KRT12: variants seen among roughly 807,000 people sequenced by gnomAD.
KRT12 encodes keratin, type I cytoskeletal 12.
KRT12 carries 43 observed loss-of-function variants against 50.2 expected under a neutral mutation model. The observed-to-expected ratio is 0.86, with a 90% CI of 0.67 to 1.11. The LOEUF (loss-of-function observed/expected upper bound fraction) is 1.11. KRT12 is among the 50% of genes least tolerant of loss of function. The pLI is 0.00. For synonymous variants in KRT12, 257 were observed against 253.6 expected, an observed-to-expected ratio of 1.01 and a Z score of -0.13; for missense variants, 588 against 625.6, an observed-to-expected ratio of 0.94 and a Z score of 0.64.
intron 1 of KRT12, among the ~76,000 whole-genome samples, 171 bp from the exon 2 acceptor site, chr17:40,866,408 A>T (rs184153010): frequency 1.6e-4 from 24 of 152,352 alleles, no homozygotes; most frequent in African/African-American, 5.3e-4. Flanking sequence ...ATTGAGAAGT[A>T]AAGAAATGCA....
intron 2 of KRT12, among the ~76,000 whole-genome samples, chr17:40,865,777 G>A (rs754162316): frequency 2.0e-5 from 3 of 152,146 alleles, no homozygotes; most frequent in East Asian, 1.9e-4. Context: ...GCAGTGAGCC[G>A]AGATCGCGTC....
chr17:40,864,224 C>T (rs911435501), intron 3 of KRT12, among the ~76,000 whole-genome samples: 5 of 152,014 alleles, frequency 3.3e-5, no homozygotes, highest in Non-Finnish European at 7.4e-5. Context: ...GGAGGCCTGG[C>T]GTACACTCAC....
chr17:40,865,791 G>A (rs1906996297), intron 2 of KRT12, among the ~76,000 whole-genome samples: 1 of 152,064 alleles, frequency 6.6e-6, no homozygotes, highest in East Asian at 1.9e-4. Flanking sequence ...TCGCGTCACT[G>A]CACTCCAGCC....
chr17:40,862,749 G>C, intron 6 of KRT12, 114 bp from the exon 7 acceptor site: 1 of 815,242 alleles, frequency 1.2e-6, no homozygotes, highest in Non-Finnish European at 2.2e-6. Context: ...CTTCCAACTA[G>C]TGCAGACTCT....
chr17:40,863,079 T>C lies in KRT12; in HGVS notation c.1316+44A>G. 1 of 1,541,436 alleles carries C rather than the reference T, an allele frequency of 6.5e-7. No individual in the cohort carries two copies. Among genetic ancestry groups the C allele is most frequent in the Non-Finnish European group, 9.0e-7 (1 of 1,113,934 alleles). Reference sequence around the variant, plus strand: ...TCCTTCTATTTCTGCTGCCCACTCTTGGTCAGCCCCTGAAGGTGTTTACAG... The same window carrying C: ...TCCTTCTATTTCTGCTGCCCACTCTCGGTCAGCCCCTGAAGGTGTTTACAG... On this transcript the variant is annotated intron_variant, in intron 6 of 7. Transcript: ENST00000251643. This position sits in a 1 kb window ranked among gnomAD's most constrained non-coding sequence, Gnocchi z 4.2.
rs1214997129 is a variant in KRT12 at position 40,867,032 on chromosome 17, C to T, written c.155G>A (p.Ser52Asn). ...AGCAGCAGAAAAGCCTCCCCCACAG[C>T]TGGCTCCAAAGCCAAAGGCACTTCC... ...YGGSAFGFGA[S>N]CGGGFSAASM... Residue 52 changes from serine (S) to asparagine (N), a missense_variant, in exon 1 of 8, where the codon AGC (serine) becomes AAC (asparagine). Ser to Asn is a conservative substitution (Grantham distance 46). Coordinates refer to ENST00000251643, the MANE Select transcript of KRT12 (RefSeq NM_000223.4). 1 of 1,602,418 alleles carries T rather than the reference C, an allele frequency of 6.2e-7. No homozygotes were observed. The highest frequency in any genetic ancestry group is 1.1e-5 in the South Asian group (1 of 89,314).
chr17:40,865,128 C>T (rs926617561), intron 2 of KRT12, among the ~76,000 whole-genome samples, 166 bp from the exon 3 acceptor site: 1 of 152,072 alleles, frequency 6.6e-6, no homozygotes, highest in Non-Finnish European at 1.5e-5. Context: ...TCCTTTTTTC[C>T]CACCATTGTT....
At position 40,861,634 on chromosome 17, in the gene KRT12, C is replaced by A. The variant is rs779458262; in HGVS notation, c.*27G>T. The A allele has an allele frequency of 1.2e-5, 17 of 1,387,910 alleles. No homozygotes were observed. Among genetic ancestry groups the A allele is most frequent in the Non-Finnish European group, 1.4e-5 (14 of 973,600 alleles). 86.0% of individuals were successfully genotyped at this position (1,387,910 alleles called of 1,614,324 possible). On this transcript the variant is annotated 3_prime_UTR_variant, in exon 8 of 8. Transcript: ENST00000251643. ...TGTAAATTTCTTGTTCCTAAGGAAC[C>A]AATCATGGGGCAGATCTTGTGAAAT...
chr17:40,866,868 C>T lies in KRT12; in HGVS notation c.319G>A (p.Gly107Ser). The change falls in exon 1 of 8, where the codon GGT (glycine) becomes AGT (serine). Residue 107 changes from glycine (G) to serine (S), a missense_variant. Coordinates refer to ENST00000251643, the MANE Select transcript of KRT12 (RefSeq NM_000223.4). ...LGMGFGGSPG[G>S]GSLGILSGND... ...CCCGAGAGAATACCTAGAGAGCCAC[C>T]TCCTGGGCTGCCCCCAAATCCCATC... The T allele has an allele frequency of 6.2e-7, 1 of 1,614,142 alleles. No individual in the cohort carries two copies. The highest frequency in any genetic ancestry group is 8.5e-7 in the Non-Finnish European group (1 of 1,180,024).
Position 40,863,642 on chromosome 17 carries a change from G to A in KRT12, c.970-32C>T. ...CAGCAAAGACAGCCAGGGGGCTCGA[G>A]CGCTGAGCTCGTTCGCAGGCCTTTC... On this transcript the variant is annotated intron_variant, in intron 4 of 7. Coordinates refer to ENST00000251643, the MANE Select transcript of KRT12 (RefSeq NM_000223.4). The surrounding 1 kb of genome is among the most constrained non-coding windows in gnomAD (Gnocchi z 4.2). The A allele has an allele frequency of 6.2e-7, 1 of 1,614,232 alleles. No homozygotes were observed. Among genetic ancestry groups the A allele is most frequent in the East Asian group, 2.2e-5 (1 of 44,884 alleles).
rs146258973 is a variant in KRT12 at position 40,861,331 on chromosome 17, T to G, written c.*330A>C. 1.1e-4 allele frequency: 35 copies of G among 305,868 alleles called. No individual in the cohort carries two copies. The East Asian group carries it at 2.5e-3, about 22-fold the overall frequency. The allele number at this position is 305,868 out of a possible 1,614,324, so 18.9% of individuals were successfully genotyped here. On this transcript the variant is annotated 3_prime_UTR_variant, in exon 8 of 8. Coordinates refer to ENST00000251643, the MANE Select transcript of KRT12 (RefSeq NM_000223.4). ...CCATTCATCTTTTATTACAATTAAC[T>G]CTATTAAAACAATACTACTTGATTA... is the stretch of plus-strand genomic sequence containing the variant.
chr17:40,862,512 A>C (rs1906839726), intron 7 of KRT12, 53 bp downstream of exon 7: 1 of 1,223,488 alleles, frequency 8.2e-7, no homozygotes, highest in Non-Finnish European at 1.2e-6. Context: ...CAGGTTTTGC[A>C]TTAATAAATG....
chr17:40,861,654 T>C lies in KRT12; in HGVS notation c.*7A>G, dbSNP rs375068783. ...GGAACCAATCATGGGGCAGATCTTG[T>C]GAAATTTTACATTAGTTCTTCAATT... is the stretch of plus-strand genomic sequence containing the variant. On this transcript the variant is annotated 3_prime_UTR_variant, in exon 8 of 8. Transcript: ENST00000251643. The C allele has an allele frequency of 1.3e-6, 2 of 1,568,894 alleles. No individual in the cohort carries two copies. The highest frequency in any genetic ancestry group is 1.8e-6 in the Non-Finnish European group (2 of 1,138,898).
chr17:40,867,125 A>G lies in KRT12; in HGVS notation c.62T>C (p.Leu21Pro). The G allele has an allele frequency of 2.5e-6, 4 of 1,613,212 alleles. No individual in the cohort carries two copies. The highest frequency in any genetic ancestry group is 3.4e-6 in the Non-Finnish European group (4 of 1,180,018). Reference sequence around the variant, plus strand: ...TCTGCCTATCACACTCTGCGAGGAGAGCCGCCGGGACAGTCCGGGGGTGCG... The same window carrying G: ...TCTGCCTATCACACTCTGCGAGGAGGGCCGCCGGGACAGTCCGGGGGTGCG... ...SVRTPGLSRR[L>P]SSQSVIGRPR... The change falls in exon 1 of 8, where the codon CTC (leucine) becomes CCC (proline). Residue 21 changes from leucine (L) to proline (P), a missense_variant. Transcript: ENST00000251643.
At chr17:40,862,095 G>C (rs1176153171) in intron 7 of KRT12, among the ~76,000 whole-genome samples, 2 of 151,740 alleles carry the variant, frequency 1.3e-5, no homozygotes, top group Non-Finnish European at 2.9e-5. Flanking sequence ...TAAAGACAGG[G>C]TCTGGCTCTG....
In KRT12 at chr17:40,866,959, G is replaced by T. The variant is rs1411387872; in HGVS notation, c.228C>A (p.Ser76=). 1 of 1,601,454 alleles carries T rather than the reference G, an allele frequency of 6.2e-7. No homozygotes were observed. Residue 76 remains serine (S), a synonymous_variant, in exon 1 of 8, where the codon TCC becomes TCA. Coordinates refer to ENST00000251643, the MANE Select transcript of KRT12 (RefSeq NM_000223.4). The part of the protein sequence containing the change: ...SSGFGGGSGS[S]MAGGLGAGYG... ...AACCAGCACCCAGTCCTCCTGCCAT[G>T]GAACTTCCGGAGCCACCCCCAAAGC...
rs760245390 is a variant in KRT12 at position 40,866,156 on chromosome 17, T to C, written c.649A>G (p.Lys217Glu). 1.2e-6 allele frequency: 2 copies of C among 1,612,802 alleles called. No homozygotes were observed. The highest frequency in any genetic ancestry group is 2.2e-5 in the South Asian group (2 of 91,044). The change falls in exon 2 of 8, where the codon AAG becomes GAG. Residue 217 changes from lysine (K) to glutamate (E), a missense_variant and splice_region_variant. Transcript: ENST00000251643. ...TGATCTTCAGTTTATTCGACTCACTTCATCCTGAAGTCCTCAGCAGCTAGT... is the reference window on the plus strand; with the variant it reads ...TGATCTTCAGTTTATTCGACTCACTCCATCCTGAAGTCCTCAGCAGCTAGT... ...ARLAAEDFRM[K>E]YENELALRQG...
chr17:40,864,381 CACCTCAGAGTT>C (rs1160001997), intron 3 of KRT12, among the ~76,000 whole-genome samples: 2 of 152,146 alleles, frequency 1.3e-5, no homozygotes, highest in Non-Finnish European at 2.9e-5. Context: ...TGCACCATGG[CACCTCAGAGTT>C]TTCTGGTGTG....
Position 40,863,212 on chromosome 17 carries a change from G to A in KRT12, c.1227C>T (p.Asn409=), listed in dbSNP as rs761216031. 1.9e-6 allele frequency: 3 copies of A among 1,613,952 alleles called. No individual in the cohort carries two copies. Among genetic ancestry groups the A allele is most frequent in the African/African-American group, 2.7e-5 (2 of 74,954 alleles). ...LQVRADAERQ[N]VDHQRLLNVK... is the part of the protein sequence containing the mutation. Reference sequence around the variant, plus strand: ...CATTCAGCAGCCGCTGGTGGTCCACGTTCTGGCGCTCTGCGTCCGCGCGCA... The same window carrying A: ...CATTCAGCAGCCGCTGGTGGTCCACATTCTGGCGCTCTGCGTCCGCGCGCA... The change falls in exon 6 of 8, where the codon AAC becomes AAT. Residue 409 remains asparagine, a synonymous_variant. Coordinates refer to ENST00000251643, the MANE Select transcript of KRT12 (RefSeq NM_000223.4). The surrounding 1 kb of genome is among the most constrained non-coding windows in gnomAD (Gnocchi z 4.2).
Sources: gnomAD v4.1 joint callset for allele counts (sites outside exome capture counted in the v4.1 genomes callset) on GRCh38, gnomAD v4.1.1 for gene constraint, Gnocchi (gnomAD v3.1) non-coding constraint, MANE v1.5 for transcripts, NCBI Gene and HGNC (gene_info 2026-07-23, HGNC 2026-07-21) for gene names.